The following DPP6 variants were observed in gnomAD, a reference collection of about 807,000 sequenced individuals.
The protein encoded by DPP6 is dipeptidyl peptidase like 6.
In DPP6, 69 loss-of-function variants were observed where a neutral mutation model predicts 122.6. That is an observed-to-expected ratio of 0.56 (90% CI 0.46 to 0.69). The LOEUF is 0.69. DPP6 is among the 30% of genes least tolerant of loss of function. The pLI is 0.00. For synonymous variants in DPP6, 418 were observed against 433.1 expected, an observed-to-expected ratio of 0.97 and a Z score of 0.43; for missense variants, 928 against 1,116.9, an observed-to-expected ratio of 0.83 and a Z score of 2.41.
intron 16 of DPP6, among the ~76,000 whole-genome samples, chr7:154,848,863 TC>T (rs1366388229): frequency 6.6e-6 from 1 of 152,106 alleles, no homozygotes; most frequent in Non-Finnish European, 1.5e-5. Flanking sequence ...GAGTCCAGTT[TC>T]CTCCTTCTGC....
chr7:153,870,543 G>T, the DPP6 span, among the ~76,000 whole-genome samples: 1 of 152,266 alleles, frequency 6.6e-6, no homozygotes, highest in South Asian at 2.1e-4. Flanking sequence ...ATTCTAGTTA[G>T]CCATTCATCT....
At chr7:154,454,440 G>C (rs1820651873) in intron 2 of DPP6, among the ~76,000 whole-genome samples, 1 of 152,234 alleles carries the variant, frequency 6.6e-6, no homozygotes, top group Non-Finnish European at 1.5e-5. Flanking sequence ...AAACATGGGA[G>C]AGGCCATTGA....
At position 154,604,747 on chromosome 7, in the gene DPP6, A is replaced by G. The variant is rs559732625; in HGVS notation, c.628-33074A>G. 6.6e-5 allele frequency among the ~76,000 whole-genome samples: 8 copies of G among 121,346 alleles called. 3 individuals are homozygous for G. Among genetic ancestry groups the G allele is most frequent in the African/African-American group, 1.8e-4 (7 of 38,286 alleles). 79.6% of individuals were successfully genotyped at this position (121,346 alleles called of 152,430 possible). ...AAAGACTCATTAGTAGGAATCTTGT[A>G]TATAGTGAAGTTACCATTTTCTTGC... On this transcript the variant is annotated intron_variant, in intron 5 of 25. Transcript: ENST00000377770.
intron 16 of DPP6, among the ~76,000 whole-genome samples, chr7:154,823,367 C>T (rs1198431349): frequency 2.2e-5 from 2 of 92,712 alleles, no homozygotes; most frequent in Non-Finnish European, 3.2e-5. Flanking sequence ...AAGATCCTAA[C>T]TGTAAAATAA....
At chr7:154,857,713 G>A (rs1171249794) in intron 17 of DPP6, among the ~76,000 whole-genome samples, 2 of 152,172 alleles carry the variant, frequency 1.3e-5, no homozygotes, top group African/African-American at 2.4e-5. Flanking sequence ...TGGTGTGGTT[G>A]GACCACATCA....
intron 14 of DPP6, 101 bp from the exon 15 acceptor site, chr7:154,804,816 C>T (rs1203279227): frequency 7.3e-6 from 11 of 1,503,072 alleles, no homozygotes; most frequent in South Asian, 3.6e-5. Flanking sequence ...AGGCCATGGG[C>T]GGCAGTCCCT....
intron 1 of DPP6, chr7:154,305,481 C>A (rs745929273): frequency 1.3e-6 from 2 of 1,594,190 alleles, no homozygotes; most frequent in Non-Finnish European, 1.7e-6. Context: ...TGGTGGGAAG[C>A]GCCTGGACAG....
chr7:154,575,297 TGGGGG>T (rs1157113652), intron 5 of DPP6, among the ~76,000 whole-genome samples: 2 of 118,950 alleles, frequency 1.7e-5, no homozygotes, highest in Non-Finnish European at 3.5e-5. Flanking sequence ...TGTATGTGTG[TGGGGG>T]GTGTATGTGT....
chr7:154,637,005 C>A (rs1019207273), intron 5 of DPP6, among the ~76,000 whole-genome samples: 1 of 152,180 alleles, frequency 6.6e-6, no homozygotes, highest in Non-Finnish European at 1.5e-5. Flanking sequence ...AACAGAGTAA[C>A]CCACATATTC....
intron 7 of DPP6, among the ~76,000 whole-genome samples, chr7:154,723,298 C>T (rs1267401515): frequency 1.3e-5 from 2 of 152,120 alleles, no homozygotes; most frequent in Non-Finnish European, 2.9e-5. Context: ...AAGCAAAATA[C>T]ACTCTTCTTT....
At chr7:154,313,685 G>GTATA (rs1170662489) in intron 1 of DPP6, among the ~76,000 whole-genome samples, 2,384 of 20,354 alleles carry the variant, frequency 0.12, 154 homozygotes, top group Non-Finnish European at 0.18. Flanking sequence ...TTAAGATATG[G>GTATA]TATATATATA....
intron 1 of DPP6, among the ~76,000 whole-genome samples, chr7:153,992,754 T>C (rs2533597): frequency 1.9e-4 from 29 of 152,316 alleles, no homozygotes; most frequent in African/African-American, 6.7e-4. Context: ...ATTGACACTA[T>C]GACTAAATGG....
chr7:154,682,466 G>A (rs562639986), intron 7 of DPP6, among the ~76,000 whole-genome samples: 2 of 152,330 alleles, frequency 1.3e-5, no homozygotes, highest in African/African-American at 2.4e-5. Flanking sequence ...TGCCCCTCAC[G>A]CACTCTCCGG....
rs372493523 is a variant in DPP6, at chr7:154,876,005, C to T, written c.1983C>T (p.Asp661=). The T allele has an allele frequency of 3.5e-5, 57 of 1,613,192 alleles. No homozygotes were observed. The highest frequency in any genetic ancestry group is 8.0e-5 in the African/African-American group (6 of 74,886). The change falls in exon 20 of 26, where the codon GAC becomes GAT. Residue 661 remains aspartate, a synonymous_variant. Coordinates refer to ENST00000377770, the MANE Select transcript of DPP6 (RefSeq NM_130797.4). The part of the protein sequence containing the change: ...SSHGAVVVKC[D]GRGSGFQGTK... ...ACGGCGCGGTGGTGGTAAAGTGTGA[C>T]GGCCGTGGCAGCGGCTTCCAAGGGA...
chr7:154,651,315 A>G (rs759791894), intron 6 of DPP6, among the ~76,000 whole-genome samples: 1 of 152,202 alleles, frequency 6.6e-6, no homozygotes, highest in Non-Finnish European at 1.5e-5. Flanking sequence ...TTGTGCTCCT[A>G]TTAGACTACA....
the DPP6 span, among the ~76,000 whole-genome samples, chr7:153,795,259 C>T: frequency 3.3e-5 from 5 of 152,122 alleles, no homozygotes; most frequent in Non-Finnish European, 5.9e-5. Context: ...TACTAAAATA[C>T]GAAAAATTAG....
chr7:154,684,641 G>A (rs1361303720), intron 7 of DPP6, among the ~76,000 whole-genome samples: 1 of 152,124 alleles, frequency 6.6e-6, no homozygotes, highest in Admixed American at 6.5e-5. Context: ...CCACCACATG[G>A]GTCCCAATTA....
chr7:153,919,501 T>C (rs1688290401), intron 1 of DPP6, among the ~76,000 whole-genome samples: 1 of 151,932 alleles, frequency 6.6e-6, no homozygotes, highest in Non-Finnish European at 1.5e-5. Context: ...AGTTGAATGG[T>C]TGTCTACTTT....
At chr7:154,139,885 T>G (rs1795757917) in intron 1 of DPP6, among the ~76,000 whole-genome samples, 1 of 152,190 alleles carries the variant, frequency 6.6e-6, no homozygotes, top group Non-Finnish European at 1.5e-5. Flanking sequence ...ACAGCCAGTC[T>G]GTATGAGAGA....
Sources: gnomAD v4.1 joint callset for allele counts (sites outside exome capture counted in the v4.1 genomes callset) on GRCh38, gnomAD v4.1.1 for gene constraint, MANE v1.5 for transcripts, NCBI Gene and HGNC (gene_info 2026-07-23, HGNC 2026-07-21) for gene names.